Variants in HPGD observed in about 807,000 individuals in gnomAD.
HPGD encodes the protein 15-hydroxyprostaglandin dehydrogenase.
Under a neutral mutation model 30.0 loss-of-function variants are expected in HPGD, and 29 were observed. That is an observed-to-expected ratio of 0.97 (90% confidence interval 0.72 to 1.32). The LOEUF (loss-of-function observed/expected upper bound fraction) is 1.32. HPGD is among the 40% of genes most tolerant of loss of function. The pLI is 0.00. For synonymous variants in HPGD, 99 were observed against 112.4 expected (o/e 0.88, Z 0.75); for missense variants, 340 against 322.1 (o/e 1.06, Z -0.43).
upstream of HPGD, chr4:174,522,626 G>A (rs924744171): frequency 2.4e-5 from 12 of 500,068 alleles, no homozygotes; most frequent in African/African-American, 2.5e-4. Flanking sequence ...TGTGTCACCT[G>A]CCCCCTGAGC....
chr4:174,506,715 A>T (rs1361960170), intron 4 of HPGD: 1 of 152,218 alleles, frequency 6.6e-6, no homozygotes, highest in Non-Finnish European at 1.5e-5. Flanking sequence ...TATATATTTG[A>T]ATATTTTAAA....
chr4:174,497,564 CTTTCTTTTTTTTTTT>C (rs1404864220), intron 4 of HPGD, among the ~76,000 whole-genome samples: 5 of 14,226 alleles, frequency 3.5e-4, no homozygotes, highest in African/African-American at 8.4e-4. Context: ...CTTTCTTTTT[CTTTCTTTTTTTTTTT>C]TTTTTTTTTT....
chr4:174,508,039 A>G, intron 4 of HPGD: 1 of 684,934 alleles, frequency 1.5e-6, no homozygotes, highest in South Asian at 1.5e-5. Flanking sequence ...TTAAAAGAGT[A>G]GCCATGCCTC....
Position 174,493,266 on chromosome 4 carries a change from G to T in HPGD, c.547C>A (p.Pro183Thr), listed in dbSNP as rs1215504120. The T allele has an allele frequency of 1.2e-6, 2 of 1,613,248 alleles. No homozygotes were observed. Among genetic ancestry groups the T allele is most frequent in the East Asian group, 4.5e-5 (2 of 44,794 alleles). The change falls in exon 6 of 7, where the codon CCA becomes ACA. Residue 183 changes from proline to threonine, a missense_variant. Transcript: ENST00000296522. Reference sequence around the variant, plus strand: ...AGGATGGCTGTGTTAACAAAGCCTGGACAAATGGCATTCAGTCTCACACCA... The same window carrying T: ...AGGATGGCTGTGTTAACAAAGCCTGTACAAATGGCATTCAGTCTCACACCA... ...NSGVRLNAIC[P>T]GFVNTAILES...
rs1734475850 is a variant in HPGD at position 174,494,246 on chromosome 4, T to C, written c.499-932A>G. ...TTCATACAACCTATGATAAATAAGG[T>C]TCTTTAAACAGGAATACACATAAAA... is the stretch of plus-strand genomic sequence containing the variant. On this transcript the variant is annotated intron_variant, in intron 5 of 6. Transcript: ENST00000296522. The surrounding 1 kb of genome is among the most constrained non-coding windows in gnomAD (Gnocchi z 4.9). Among the ~76,000 whole-genome samples, 1 of 152,178 alleles carries C rather than the reference T, an allele frequency of 6.6e-6. No individual in the cohort carries two copies. Among genetic ancestry groups the C allele is most frequent in the South Asian group, 2.1e-4 (1 of 4,834 alleles).
rs1414501637 is a variant in HPGD at position 174,495,532 on chromosome 4, G to T, written c.498+16C>A. ...TACAAAGAGAAAATGAGATATGACG[G>T]TTGTTGTAGCCTCACCGCTGCTGAG... On this transcript the variant is annotated intron_variant, in intron 5 of 6. Coordinates refer to ENST00000296522, the MANE Select transcript of HPGD (RefSeq NM_000860.6). 1.3e-5 allele frequency: 21 copies of T among 1,579,780 alleles called. No individual in the cohort carries two copies. The highest frequency in any genetic ancestry group is 1.7e-5 in the Non-Finnish European group (20 of 1,148,950).
Position 174,491,407 on chromosome 4 carries a change from C to T in HPGD, c.*549G>A, listed in dbSNP as rs1015344149. 2 of 155,314 alleles carry T rather than the reference C, an allele frequency of 1.3e-5. No individual in the cohort carries two copies. Among genetic ancestry groups the T allele is most frequent in the African/African-American group, 4.8e-5 (2 of 41,432 alleles). The allele number at this position is 155,314 out of a possible 1,614,324, so 9.6% of individuals were successfully genotyped here. The stretch of plus-strand genomic sequence containing the variant: ...AGTTTTCATCTGGGATATGTTTACA[C>T]TGTAGTTTATTCCTTGACTGCCCCC... On this transcript the variant is annotated 3_prime_UTR_variant, in exon 7 of 7. Coordinates refer to ENST00000296522, the MANE Select transcript of HPGD (RefSeq NM_000860.6).
chr4:174,505,671 C>T (rs966969149), intron 4 of HPGD, among the ~76,000 whole-genome samples: 1 of 152,090 alleles, frequency 6.6e-6, no homozygotes, highest in Non-Finnish European at 1.5e-5. Flanking sequence ...GAGTTGAAGG[C>T]ATGTTAGTGG....
chr4:174,506,898 G>C (rs993800725), intron 4 of HPGD: 1 of 152,136 alleles, frequency 6.6e-6, no homozygotes, highest in Non-Finnish European at 1.5e-5. Flanking sequence ...AAAGGCCAGG[G>C]GCTCCTTGTA....
intron 4 of HPGD, among the ~76,000 whole-genome samples, chr4:174,497,568 C>CTTTTCTTTTTTT (rs1553998366): frequency 1.4e-4 from 7 of 51,114 alleles, no homozygotes; most frequent in African/African-American, 4.7e-4. Flanking sequence ...CTTTTTCTTT[C>CTTTTCTTTTTTT]TTTTTTTTTT....
intron 3 of HPGD, among the ~76,000 whole-genome samples, chr4:174,517,678 A>G (rs1304344116): frequency 6.6e-6 from 1 of 152,198 alleles, no homozygotes; most frequent in Non-Finnish European, 1.5e-5. Context: ...AGGTCATACC[A>G]AAAGAGTTGG....
Position 174,522,036 on chromosome 4 carries a change from C to A in HPGD, c.125G>T (p.Gly42Val). 1.2e-6 allele frequency: 2 copies of A among 1,614,162 alleles called. No individual in the cohort carries two copies. The highest frequency in any genetic ancestry group is 1.1e-5 in the South Asian group (1 of 91,086). The change falls in exon 2 of 7, where the codon GGT (glycine) becomes GTT (valine). Residue 42 changes from glycine (G) to valine (V), a missense_variant. Transcript: ENST00000296522. ...VALVDWNLEA[G>V]VQCKAALDEQ... ...ATCCAGGGCAGCTTTACACTGTACA[C>A]CTGCTTCAAGATTCCAATCCACCAG...
Position 174,518,062 on chromosome 4 carries a change from A to G in HPGD, c.233T>C (p.Val78Ala), listed in dbSNP as rs761670504. The G allele has an allele frequency of 1.0e-5, 16 of 1,566,252 alleles. No homozygotes were observed. The Admixed American group carries it at 2.7e-4, about 26-fold the overall frequency. The change falls in exon 3 of 7, where the codon GTT becomes GCT. Residue 78 changes from valine to alanine, a missense_variant. By Grantham distance (64) the Val-to-Ala change is moderately conservative (BLOSUM62 0). Coordinates refer to ENST00000296522, the MANE Select transcript of HPGD (RefSeq NM_000860.6). ...GTCCAGTCTTCCAAAGTGGTCTACA[A>G]CTTTTCTAAAAGTGTCTAATTATAA... ...QQQLRDTFRKVVDHFGRLDIL... is the reference protein window; with the variant it reads ...QQQLRDTFRKAVDHFGRLDIL...
intron 4 of HPGD, among the ~76,000 whole-genome samples, chr4:174,499,312 C>A (rs1223198185): frequency 2.0e-5 from 3 of 152,070 alleles, no homozygotes; most frequent in African/African-American, 7.3e-5. Context: ...CAGAATAAAC[C>A]AGCCCAGGTA....
intron 4 of HPGD, among the ~76,000 whole-genome samples, chr4:174,504,385 G>A (rs1196922073): frequency 6.6e-6 from 1 of 152,060 alleles, no homozygotes; most frequent in East Asian, 1.9e-4. Flanking sequence ...GACCCTCATG[G>A]TATCTCTCAC....
At chr4:174,495,409 T>G in intron 5 of HPGD, 139 bp downstream of exon 5, 2 of 698,710 alleles carry the variant, frequency 2.9e-6, no homozygotes, top group Non-Finnish European at 5.2e-6. Context: ...ATCTGATAAC[T>G]TTTTATAATT....
rs115410170 is a variant in HPGD at position 174,517,726 on chromosome 4, C to A, written c.324+245G>T. On this transcript the variant is annotated intron_variant, in intron 3 of 6. Coordinates refer to ENST00000296522, the MANE Select transcript of HPGD (RefSeq NM_000860.6). The stretch of plus-strand genomic sequence containing the variant: ...GCCTGTGGGTCATAGTCTGCCAATC[C>A]CTGAGTTAAGCAATCATTTATATTT... Among the ~76,000 whole-genome samples the A allele has an allele frequency of 6.5e-3, 990 of 152,152 alleles. 4 individuals carry two copies. The highest frequency in any genetic ancestry group is 0.011 in the Non-Finnish European group (718 of 67,956).
rs745825366 is a variant in HPGD at position 174,522,463 on chromosome 4, T to C, written c.-12A>G. ...CCGTTCACGTGCATGGTGCAGCCACTGCTGGGGCGGGCGGTGGGCGAGCTC... is the reference window on the plus strand; with the variant it reads ...CCGTTCACGTGCATGGTGCAGCCACCGCTGGGGCGGGCGGTGGGCGAGCTC... On this transcript the variant is annotated 5_prime_UTR_variant, in exon 1 of 7. Transcript: ENST00000296522. The C allele has an allele frequency of 1.9e-6, 3 of 1,549,026 alleles. No individual in the cohort carries two copies. The highest frequency in any genetic ancestry group is 1.2e-5 in the South Asian group (1 of 85,248).
chr4:174,518,163 A>G (rs544182483), intron 2 of HPGD, 86 bp from the exon 3 acceptor site: 4 of 710,426 alleles, frequency 5.6e-6, no homozygotes, highest in Non-Finnish European at 2.5e-6. Flanking sequence ...GAGGAATTTC[A>G]GTTTATTTAC....
Sources: allele counts gnomAD v4.1 joint callset (sites outside exome capture counted in the v4.1 genomes callset), GRCh38; gene constraint gnomAD v4.1.1; non-coding constraint Gnocchi (gnomAD v3.1); transcripts MANE v1.5; gene names NCBI Gene and HGNC (gene_info 2026-07-23, HGNC 2026-07-21).